FSTL5: variants seen among roughly 807,000 people sequenced by gnomAD.
The protein encoded by FSTL5 is follistatin like 5.
Under a neutral mutation model 89.1 loss-of-function variants are expected in FSTL5, and 62 were observed. That is an observed-to-expected ratio of 0.70 (90% CI 0.57 to 0.86). FSTL5 has a LOEUF of 0.86. FSTL5 is among the 40% of genes least tolerant of loss of function. FSTL5 has a pLI of 0.00. For synonymous variants in FSTL5, 383 were observed against 346.2 expected, an observed-to-expected ratio of 1.11 and a Z score of -1.18; for missense variants, 1,057 against 1,001.6, an observed-to-expected ratio of 1.06 and a Z score of -0.75.
At chr4:161,868,926 A>G (rs1470201869) in intron 4 of FSTL5, among the ~76,000 whole-genome samples, 1 of 152,190 alleles carries the variant, frequency 6.6e-6, no homozygotes, top group Non-Finnish European at 1.5e-5. Context: ...TGTTACTGTG[A>G]AAAGATAACA....
At chr4:161,982,055 A>G (rs1407018990) in intron 3 of FSTL5, among the ~76,000 whole-genome samples, 5 of 152,134 alleles carry the variant, frequency 3.3e-5, no homozygotes, top group East Asian at 3.9e-4. Context: ...TTAGAGCCCA[A>G]TTTGTTATGC....
intron 6 of FSTL5, among the ~76,000 whole-genome samples, chr4:161,755,455 G>A (rs190962067): frequency 1.3e-5 from 2 of 151,908 alleles, no homozygotes; most frequent in East Asian, 3.9e-4. Context: ...TTATACCATG[G>A]CAGAGAGAAA....
chr4:161,499,969 A>C (rs777862862), intron 12 of FSTL5, 47 bp downstream of exon 12: 6 of 1,093,052 alleles, frequency 5.5e-6, no homozygotes, highest in Admixed American at 1.8e-5. Context: ...AATTCTACTT[A>C]ACAAAATTTC....
intron 7 of FSTL5, among the ~76,000 whole-genome samples, chr4:161,622,440 A>T (rs954879675): frequency 6.6e-6 from 1 of 152,166 alleles, no homozygotes; most frequent in Non-Finnish European, 1.5e-5. Context: ...ATAGAAAATT[A>T]TAGACCCTCA....
chr4:161,510,764 A>G (rs980067649), intron 10 of FSTL5, among the ~76,000 whole-genome samples: 1 of 151,702 alleles, frequency 6.6e-6, no homozygotes, highest in Non-Finnish European at 1.5e-5. Context: ...AGTAGTTAAA[A>G]CTATTAGGTT....
intron 6 of FSTL5, among the ~76,000 whole-genome samples, chr4:161,751,342 T>A (rs1740384715): frequency 6.6e-6 from 1 of 152,174 alleles, no homozygotes; most frequent in African/African-American, 2.4e-5. Flanking sequence ...TTTGAATACA[T>A]GTTTATAGGC....
intron 6 of FSTL5, among the ~76,000 whole-genome samples, chr4:161,669,563 T>C (rs998540231): frequency 6.6e-6 from 1 of 152,032 alleles, no homozygotes; most frequent in Admixed American, 6.6e-5. Flanking sequence ...TTAAACAAAT[T>C]GTTCTGAAAC....
At chr4:161,685,749 A>G (rs901459234) in intron 6 of FSTL5, among the ~76,000 whole-genome samples, 2 of 151,940 alleles carry the variant, frequency 1.3e-5, no homozygotes. Flanking sequence ...GATCCCCTTT[A>G]TTTCTTTCTC....
At chr4:161,465,374 T>A (rs1733716558) in intron 13 of FSTL5, among the ~76,000 whole-genome samples, 1 of 152,138 alleles carries the variant, frequency 6.6e-6, no homozygotes, top group South Asian at 2.1e-4. Context: ...CAGGAATATA[T>A]AATTACAAAA....
Position 161,529,218 on chromosome 4 carries a change from A to G in FSTL5, c.1312+8948T>C, listed in dbSNP as rs185138552. ...GTTAATAAAGCCCTGCTTTTGTGCA[A>G]AAAGTGGCAACATGTTAGAAACAGA... On this transcript the variant is annotated intron_variant, in intron 10 of 15. Coordinates refer to ENST00000306100, the MANE Select transcript of FSTL5 (RefSeq NM_020116.5). Among the ~76,000 whole-genome samples, 168 of 143,470 alleles carry G rather than the reference A, an allele frequency of 1.2e-3. 19 individuals are homozygous for G. Among genetic ancestry groups the G allele is most frequent in the Non-Finnish European group, 2.0e-3 (132 of 65,352 alleles). 94.1% of individuals were successfully genotyped at this position (143,470 alleles called of 152,430 possible).
chr4:162,026,304 C>CTTTATTTTTTTTTTTTTTTTTTTT (rs1737281523), intron 3 of FSTL5, among the ~76,000 whole-genome samples: 1 of 79,474 alleles, frequency 1.3e-5, no homozygotes, highest in Non-Finnish European at 2.2e-5. Flanking sequence ...TATGTATTTT[C>CTTTATTTTTTTTTTTTTTTTTTTT]TTTTTTTTTT....
At chr4:161,485,526 T>G (rs903818406) in intron 12 of FSTL5, among the ~76,000 whole-genome samples, 1 of 152,168 alleles carries the variant, frequency 6.6e-6, no homozygotes, top group South Asian at 2.1e-4. Context: ...CAAAAAAGTA[T>G]ACTATCTTAA....
Position 161,500,035 on chromosome 4 carries a change from T to A in FSTL5, c.1439A>T (p.Glu480Val). 1 of 1,604,396 alleles carries A rather than the reference T, an allele frequency of 6.2e-7. No individual in the cohort carries two copies. Among genetic ancestry groups the A allele is most frequent in the Non-Finnish European group, 8.5e-7 (1 of 1,173,108 alleles). The change falls in exon 12 of 16, where the codon GAA becomes GTA. Residue 480 changes from glutamate to valine, a missense_variant. This residue lies in a region of FSTL5 where 980 missense variants were observed against 903.2 expected (regional missense o/e 1.08). Transcript: ENST00000306100. The stretch of plus-strand genomic sequence containing the variant: ...ACTTGCCTGAAATCCAAGGAGCTTT[T>A]CACTAGGCTTAATGTGCCTCTGAAA... ...CEFQRHIKPSEKLLGFQDEVC... is the reference protein window; with the variant it reads ...CEFQRHIKPSVKLLGFQDEVC...
intron 4 of FSTL5, among the ~76,000 whole-genome samples, chr4:161,805,424 A>G (rs1579105226): frequency 1.3e-5 from 2 of 152,114 alleles, no homozygotes; most frequent in East Asian, 3.9e-4. Flanking sequence ...TTTGTCATAG[A>G]GAGGAGAATG....
chr4:161,527,065 T>C (rs1322582551), intron 10 of FSTL5, among the ~76,000 whole-genome samples: 2 of 152,338 alleles, frequency 1.3e-5, no homozygotes, highest in African/African-American at 2.4e-5. Flanking sequence ...TGATTCTTCC[T>C]ACCCATGAGC....
chr4:161,526,579 G>A (rs1731227172), intron 10 of FSTL5, among the ~76,000 whole-genome samples: 2 of 152,096 alleles, frequency 1.3e-5, no homozygotes, highest in South Asian at 4.1e-4. Context: ...TATGGTTTTA[G>A]GTCTAACGTT....
At chr4:162,007,370 G>C (rs1736642751) in intron 3 of FSTL5, among the ~76,000 whole-genome samples, 1 of 151,674 alleles carries the variant, frequency 6.6e-6, no homozygotes, top group Non-Finnish European at 1.5e-5. Flanking sequence ...GGAGCTATAA[G>C]TAATTACAAG....
At chr4:161,502,375 A>G (rs1217382459) in intron 11 of FSTL5, among the ~76,000 whole-genome samples, 1 of 152,072 alleles carries the variant, frequency 6.6e-6, no homozygotes, top group South Asian at 2.1e-4. Context: ...TGAATTACAC[A>G]TGAACGTTTT....
chr4:161,921,528 C>G (rs1346236274), intron 3 of FSTL5, among the ~76,000 whole-genome samples: 2 of 152,010 alleles, frequency 1.3e-5, no homozygotes, highest in Admixed American at 1.3e-4. Flanking sequence ...TATGTATACA[C>G]ATGTATACAC....
Sources: gnomAD v4.1 joint callset for allele counts (sites outside exome capture counted in the v4.1 genomes callset) on GRCh38, gnomAD v4.1.1 for gene constraint, gnomAD v4.1.1 regional missense constraint, MANE v1.5 for transcripts, NCBI Gene and HGNC (gene_info 2026-07-23, HGNC 2026-07-21) for gene names.